Variants in NLGN1 observed in about 807,000 individuals in gnomAD.
The protein encoded by NLGN1 is neuroligin-1.
In NLGN1, 12 loss-of-function variants were observed where a neutral mutation model predicts 65.5. That is an observed-to-expected ratio of 0.18 (90% CI 0.12 to 0.30). NLGN1 has a LOEUF of 0.30. Ranked by LOEUF, NLGN1 falls within the 10% of genes least tolerant of loss-of-function variation. NLGN1 has a pLI of 1.00. For synonymous variants in NLGN1, 350 were observed against 359.5 expected (o/e 0.97, Z 0.30); for missense variants, 750 against 1,007.1 (o/e 0.74, Z 3.46).
intron 2 of NLGN1, among the ~76,000 whole-genome samples, chr3:173,468,858 AT>A: frequency 6.6e-6 from 1 of 152,232 alleles, no homozygotes; most frequent in African/African-American, 2.4e-5. Context: ...TCTAAGAGTT[AT>A]CCACTGCAAT....
chr3:173,524,711 G>A (rs1735340907), intron 2 of NLGN1, among the ~76,000 whole-genome samples: 1 of 152,046 alleles, frequency 6.6e-6, no homozygotes, highest in Admixed American at 6.6e-5. Context: ...TTTCATATAT[G>A]GTTCTTACTG....
intron 2 of NLGN1, among the ~76,000 whole-genome samples, chr3:173,448,471 T>G (rs1474294314): frequency 6.6e-6 from 1 of 152,236 alleles, no homozygotes; most frequent in Non-Finnish European, 1.5e-5. Context: ...TGCCAGTATT[T>G]TATTGAGGAT....
At position 173,957,605 on chromosome 3, in the gene NLGN1, T is replaced by G. The variant is rs778134614; in HGVS notation, c.646+149773T>G. ...AGCTAAACAATCATTTCGAGAGATATCAGCATTATTTAGACCTACTGGGTC... is the reference window on the plus strand; with the variant it reads ...AGCTAAACAATCATTTCGAGAGATAGCAGCATTATTTAGACCTACTGGGTC... On this transcript the variant is annotated intron_variant, in intron 4 of 6. Transcript: ENST00000457714. Among the ~76,000 whole-genome samples, 130 of 152,344 alleles carry G rather than the reference T, an allele frequency of 8.5e-4. 1 individual carries two copies. Among genetic ancestry groups the G allele is most frequent in the Middle Eastern group, 6.8e-3 (2 of 294 alleles).
rs75402790 is a variant in NLGN1 at position 173,960,108 on chromosome 3, C to T, written c.646+152276C>T. On this transcript the variant is annotated intron_variant, in intron 4 of 6. Coordinates refer to ENST00000457714, the Ensembl canonical transcript of NLGN1. ...CTTCAGTTTTGTGTATTACTTTTTC[C>T]TTGGCATTACATAAGACAGAAGTTT... is the stretch of plus-strand genomic sequence containing the variant. 5.5e-3 allele frequency among the ~76,000 whole-genome samples: 839 copies of T among 152,042 alleles called. 59 individuals are homozygous for T. In the East Asian group the frequency reaches 0.14, roughly 25 times the overall value.
At chr3:173,635,740 A>G (rs528561830) in intron 3 of NLGN1, among the ~76,000 whole-genome samples, 1 of 152,256 alleles carries the variant, frequency 6.6e-6, no homozygotes, top group Admixed American at 6.5e-5. Context: ...CATATTTTAT[A>G]TCAATGAAAA....
intron 2 of NLGN1, among the ~76,000 whole-genome samples, chr3:173,557,864 A>G (rs895372003): frequency 3.3e-5 from 5 of 152,104 alleles, no homozygotes; most frequent in African/African-American, 1.2e-4. Flanking sequence ...TGTAGATTCA[A>G]ATTTCTACCT....
At chr3:174,027,069 A>ATT (rs1728994340) in intron 4 of NLGN1, among the ~76,000 whole-genome samples, 1 of 150,866 alleles carries the variant, frequency 6.6e-6, no homozygotes, top group Non-Finnish European at 1.5e-5. Context: ...ATTTTTTTAA[A>ATT]AAAAAAAAAA....
chr3:173,760,687 A>C (rs1473197764), intron 3 of NLGN1, among the ~76,000 whole-genome samples: 1 of 152,008 alleles, frequency 6.6e-6, no homozygotes, highest in African/African-American at 2.4e-5. Context: ...TGAATGATAT[A>C]GATAAATTTA....
chr3:173,753,969 T>TATA (rs59524680), intron 3 of NLGN1, among the ~76,000 whole-genome samples: 10 of 144,714 alleles, frequency 6.9e-5, no homozygotes, highest in East Asian at 2.0e-4. Context: ...TATAATATAA[T>TATA]ATAATATCTA....
chr3:174,163,688 G>T (rs1049222466), intron 4 of NLGN1, among the ~76,000 whole-genome samples: 3 of 152,054 alleles, frequency 2.0e-5, no homozygotes, highest in South Asian at 4.2e-4. Flanking sequence ...ACAGTATTTG[G>T]TTTTTTGTTT....
At chr3:173,750,677 G>A (rs1420353418) in intron 3 of NLGN1, among the ~76,000 whole-genome samples, 2 of 152,054 alleles carry the variant, frequency 1.3e-5, no homozygotes, top group African/African-American at 4.8e-5. Flanking sequence ...GTTGTACACT[G>A]CAGAAATAGT....
At chr3:174,023,304 T>C (rs899650915) in intron 4 of NLGN1, among the ~76,000 whole-genome samples, 2 of 152,208 alleles carry the variant, frequency 1.3e-5, no homozygotes, top group African/African-American at 4.8e-5. Context: ...CCAAGTTATA[T>C]GATTCTAGGC....
intron 2 of NLGN1, among the ~76,000 whole-genome samples, chr3:173,520,635 C>G (rs1734597560): frequency 6.6e-6 from 1 of 152,080 alleles, no homozygotes; most frequent in East Asian, 1.9e-4. Context: ...CCAGCATAAC[C>G]TAGAATGTTT....
At chr3:173,731,867 AT>A (rs1216334259) in intron 3 of NLGN1, among the ~76,000 whole-genome samples, 1 of 152,072 alleles carries the variant, frequency 6.6e-6, no homozygotes, top group Non-Finnish European at 1.5e-5. Flanking sequence ...TTAAAAAGAC[AT>A]TTTTTGTAAA....
chr3:174,228,179 T>C (rs559989929), intron 4 of NLGN1, among the ~76,000 whole-genome samples: 1 of 152,192 alleles, frequency 6.6e-6, no homozygotes, highest in South Asian at 2.1e-4. Flanking sequence ...GAAATTAAGA[T>C]TACCTTTTGT....
In NLGN1 at chr3:174,280,457, C is replaced by T; in HGVS notation, c.1650-24C>T. On this transcript the variant is annotated intron_variant, in intron 6 of 6. Transcript: ENST00000457714. This position sits in a 1 kb window ranked among gnomAD's most constrained non-coding sequence, Gnocchi z 4.9. ...GTAAAAAATAAAATAGCTTTATTCT[C>T]ATAATTTATCTTTTCCTTCTTAGTG... The T allele has an allele frequency of 6.7e-7, 1 of 1,481,860 alleles. No individual in the cohort carries two copies. The highest frequency in any genetic ancestry group is 9.2e-7 in the Non-Finnish European group (1 of 1,089,956). 91.8% of individuals were successfully genotyped at this position (1,481,860 alleles called of 1,614,324 possible).
At chr3:173,526,686 T>C (rs1735698723) in intron 2 of NLGN1, among the ~76,000 whole-genome samples, 1 of 152,180 alleles carries the variant, frequency 6.6e-6, no homozygotes. Flanking sequence ...TTAGAAAATA[T>C]TAGGTCTTAT....
At chr3:173,896,082 T>G (rs1340876758) in intron 4 of NLGN1, among the ~76,000 whole-genome samples, 1 of 152,194 alleles carries the variant, frequency 6.6e-6, no homozygotes, top group Non-Finnish European at 1.5e-5. Flanking sequence ...TTGCCTTCCT[T>G]TTACCTCTTG....
intron 2 of NLGN1, among the ~76,000 whole-genome samples, chr3:173,484,893 G>T (rs1413478697): frequency 2.6e-5 from 4 of 151,930 alleles, no homozygotes; most frequent in Non-Finnish European, 5.9e-5. Context: ...CTCAGTTTCT[G>T]TGTTTTTCTA....
Sources: allele counts gnomAD v4.1 joint callset (sites outside exome capture counted in the v4.1 genomes callset), GRCh38; gene constraint gnomAD v4.1.1; non-coding constraint Gnocchi (gnomAD v3.1); transcripts MANE v1.5; gene names NCBI Gene and HGNC (gene_info 2026-07-23, HGNC 2026-07-21).